Variants in NECAB1 observed in about 807,000 individuals in gnomAD.
NECAB1 encodes N-terminal EF-hand calcium-binding protein 1.
NECAB1 carries 29 observed loss-of-function variants against 57.5 expected under a neutral mutation model. The ratio of observed to expected loss-of-function variants is 0.50; its 90% confidence interval spans 0.38 to 0.69. The LOEUF (loss-of-function observed/expected upper bound fraction) is 0.69. Among genes scored for constraint, NECAB1 ranks in the 30% least tolerant of loss-of-function variants. The pLI is 0.00. For missense variants in NECAB1, 372 were observed against 413.8 expected, an observed-to-expected ratio of 0.90 and a Z score of 0.88; for synonymous variants, 142 against 147.7, an observed-to-expected ratio of 0.96 and a Z score of 0.28.
At chr8:90,792,474 T>G (rs1811592814) in intron 1 of NECAB1, among the ~76,000 whole-genome samples, 2 of 152,202 alleles carry the variant, frequency 1.3e-5, no homozygotes, top group African/African-American at 4.8e-5. Context: ...TTTGAGCATA[T>G]TTGTTTTTCT....
chr8:90,957,729 T>G lies in NECAB1; in HGVS notation c.*2217T>G, dbSNP rs778337406. On this transcript the variant is annotated 3_prime_UTR_variant, in exon 13 of 13. Coordinates refer to ENST00000417640, the MANE Select transcript of NECAB1 (RefSeq NM_022351.5). ...GAAAAAAAAAGAAAAAACTGGGACC[T>G]AAGTATAAATATCTCATCCTAAAGT... is the stretch of plus-strand genomic sequence containing the variant. 6 of 148,942 alleles carry G rather than the reference T, an allele frequency of 4.0e-5. No homozygotes were observed. Among genetic ancestry groups the G allele is most frequent in the Non-Finnish European group, 8.9e-5 (6 of 67,076 alleles). 9.2% of individuals were successfully genotyped at this position (148,942 alleles called of 1,614,324 possible). A position where few individuals can be genotyped will look rare whatever the true frequency, so the allele number is the denominator to read the frequency against.
Position 90,955,780 on chromosome 8 carries a change from C to A in NECAB1, c.*268C>A. ...ACCTAAAACCTTTTAGTGACAAAAT[C>A]CTAATATGTGGAAAAAAGCATATGC... On this transcript the variant is annotated 3_prime_UTR_variant, in exon 13 of 13. Transcript: ENST00000417640. 1 of 362,752 alleles carries A rather than the reference C, an allele frequency of 2.8e-6. No individual in the cohort carries two copies. The highest frequency in any genetic ancestry group is 4.9e-6 in the Non-Finnish European group (1 of 203,044). 22.5% of individuals were successfully genotyped at this position (362,752 alleles called of 1,614,324 possible). A position where few individuals can be genotyped will look rare whatever the true frequency, so the allele number is the denominator to read the frequency against.
intron 4 of NECAB1, among the ~76,000 whole-genome samples, chr8:90,879,263 A>C (rs1407399426): frequency 1.4e-5 from 2 of 145,976 alleles, no homozygotes; most frequent in African/African-American, 5.1e-5. Context: ...ATCACGGCTC[A>C]CTGCAGCCTC....
At chr8:90,902,389 T>G (rs1809527404) in intron 5 of NECAB1, among the ~76,000 whole-genome samples, 1 of 152,134 alleles carries the variant, frequency 6.6e-6, no homozygotes, top group Non-Finnish European at 1.5e-5. Flanking sequence ...GCCACTGCAC[T>G]CCAGCCTGGG....
chr8:90,954,608 A>G (rs1810984209), intron 12 of NECAB1, among the ~76,000 whole-genome samples: 1 of 152,018 alleles, frequency 6.6e-6, no homozygotes, highest in Non-Finnish European at 1.5e-5. Flanking sequence ...CCAATCATAC[A>G]TCTTTGCCAT....
At chr8:90,864,928 AAGGAGAG>A (rs1808481864) in intron 3 of NECAB1, among the ~76,000 whole-genome samples, 1 of 152,086 alleles carries the variant, frequency 6.6e-6, no homozygotes, top group South Asian at 2.1e-4. Flanking sequence ...TCTCACAGCC[AAGGAGAG>A]AGGAGAATAC....
Position 90,912,386 on chromosome 8 carries a change from G to A in NECAB1, c.358-5106G>A, listed in dbSNP as rs112432781. ...GCCCTTTAAAGTGGAGTTTGTCAAC[G>A]TAAAGGTCTTAATATAATTCATCTC... is the stretch of plus-strand genomic sequence containing the variant. On this transcript the variant is annotated intron_variant, in intron 5 of 12. Transcript: ENST00000417640. 2.0e-3 allele frequency among the ~76,000 whole-genome samples: 302 copies of A among 152,244 alleles called. 1 individual carries two copies. The highest frequency in any genetic ancestry group is 2.4e-3 in the Non-Finnish European group (164 of 67,996).
intron 2 of NECAB1, among the ~76,000 whole-genome samples, chr8:90,805,251 A>C (rs1218008421): frequency 6.6e-6 from 1 of 152,218 alleles, no homozygotes; most frequent in East Asian, 1.9e-4. Flanking sequence ...GACAGCTGCT[A>C]CATGTATTTG....
chr8:90,807,141 A>G (rs189279340), intron 2 of NECAB1, among the ~76,000 whole-genome samples: 33 of 152,300 alleles, frequency 2.2e-4, no homozygotes, highest in Admixed American at 1.8e-3. Flanking sequence ...AATTGATTTA[A>G]TGCATTTGAT....
chr8:90,949,969 CCA>C, intron 11 of NECAB1, 85 bp downstream of exon 11: 1 of 808,590 alleles, frequency 1.2e-6, no homozygotes, highest in South Asian at 1.8e-5. Flanking sequence ...TAGGAAAGTT[CCA>C]TTCTCTTTTA....
chr8:90,852,047 G>T (rs148056180), intron 3 of NECAB1, among the ~76,000 whole-genome samples: 261 of 152,042 alleles, frequency 1.7e-3, no homozygotes, highest in African/African-American at 6.0e-3. Flanking sequence ...TAATTTTGTT[G>T]TTGTTATTTT....
chr8:90,939,593 T>G (rs1188804288), intron 9 of NECAB1, among the ~76,000 whole-genome samples: 1 of 152,238 alleles, frequency 6.6e-6, no homozygotes, highest in Non-Finnish European at 1.5e-5. Flanking sequence ...TGAGCTTTCC[T>G]AATTATCTGA....
At chr8:90,943,895 GC>G (rs1008838548) in intron 10 of NECAB1, among the ~76,000 whole-genome samples, 38 of 152,106 alleles carry the variant, frequency 2.5e-4, no homozygotes, top group Admixed American at 1.7e-3. Context: ...GGGGCCACAG[GC>G]ACATGCCACC....
chr8:90,856,534 A>G (rs1378980691), intron 3 of NECAB1, among the ~76,000 whole-genome samples: 1 of 152,222 alleles, frequency 6.6e-6, no homozygotes, highest in Non-Finnish European at 1.5e-5. Flanking sequence ...TGATACTTAA[A>G]TATCTGAAGT....
intron 3 of NECAB1, among the ~76,000 whole-genome samples, chr8:90,848,866 G>C (rs1812623381): frequency 6.6e-6 from 1 of 152,038 alleles, no homozygotes; most frequent in Non-Finnish European, 1.5e-5. Context: ...CAGGAAAATT[G>C]CTTGAACCCA....
intron 5 of NECAB1, among the ~76,000 whole-genome samples, chr8:90,900,941 C>T (rs1395366964): frequency 6.6e-6 from 1 of 152,146 alleles, no homozygotes; most frequent in African/African-American, 2.4e-5. Flanking sequence ...GTACTTTAAT[C>T]AGTCTAAATA....
At position 90,925,592 on chromosome 8, in the gene NECAB1, C is replaced by A; in HGVS notation, c.552C>A (p.Ser184Arg). ...TTCAATGGCCTGGAAAACGATCAAG[C>A]CGCCGAGTCCAGAGACACAACAGCT... The part of the protein sequence containing the change: ...LSIQWPGKRS[S>R]RRVQRHNSFS... The change falls in exon 7 of 13, where the codon AGC becomes AGA. Residue 184 changes from serine (S) to arginine (R), a missense_variant. Physicochemically the swap from Ser to Arg is moderately radical, Grantham distance 110 (BLOSUM62 -1). Transcript: ENST00000417640. 4 of 1,613,530 alleles carry A rather than the reference C, an allele frequency of 2.5e-6. No individual in the cohort carries two copies. Among genetic ancestry groups the A allele is most frequent in the Non-Finnish European group, 2.5e-6 (3 of 1,179,744 alleles).
At chr8:90,875,467 G>A (rs1266983874) in intron 4 of NECAB1, among the ~76,000 whole-genome samples, 1 of 112,792 alleles carries the variant, frequency 8.9e-6, no homozygotes, top group East Asian at 3.0e-4. Flanking sequence ...CGGCCTGGGC[G>A]ACAGAGCGAG....
chr8:90,916,046 G>A (rs1809943703), intron 5 of NECAB1, among the ~76,000 whole-genome samples: 2 of 152,024 alleles, frequency 1.3e-5, no homozygotes, highest in South Asian at 4.1e-4. Flanking sequence ...ATCTCCTTTG[G>A]CAACACCCTC....
Sources: allele counts gnomAD v4.1 joint callset (sites outside exome capture counted in the v4.1 genomes callset), GRCh38; gene constraint gnomAD v4.1.1; transcripts MANE v1.5; gene names NCBI Gene and HGNC (gene_info 2026-07-23, HGNC 2026-07-21).